RMDN2: variants seen among roughly 807,000 people sequenced by gnomAD.
RMDN2 encodes the protein regulator of microtubule dynamics protein 2.
In RMDN2, 61 loss-of-function variants were observed where a neutral mutation model predicts 52.8. The ratio of observed to expected loss-of-function variants is 1.16; its 90% CI spans 0.94 to 1.43. The LOEUF (loss-of-function observed/expected upper bound fraction) is 1.43, where lower values mean the gene tolerates loss of function less well. Ranked by LOEUF, RMDN2 falls within the 40% of genes most tolerant of loss-of-function variation. The probability of loss-of-function intolerance (pLI) is 0.00; values close to 1 mark genes in which losing one functional copy is unlikely to be tolerated. For synonymous variants in RMDN2, 180 were observed against 153.1 expected, an observed-to-expected ratio of 1.18 and a Z score of -1.30; for missense variants, 592 against 475.3, an observed-to-expected ratio of 1.25 and a Z score of -2.28.
At chr2:37,958,952 C>T (rs188992897) in intron 2 of RMDN2, among the ~76,000 whole-genome samples, 3 of 151,070 alleles carry the variant, frequency 2.0e-5, no homozygotes, top group East Asian at 3.9e-4. Context: ...TGATGGATTA[C>T]GTTTATTGAC....
chr2:38,061,044 G>C (rs1403215505), intron 10 of RMDN2, among the ~76,000 whole-genome samples: 1 of 152,140 alleles, frequency 6.6e-6, no homozygotes, highest in Admixed American at 6.6e-5. Flanking sequence ...TAAAATTAAA[G>C]AATCATCAGG....
chr2:37,950,223 G>C, intron 2 of RMDN2: 1 of 380,178 alleles, frequency 2.6e-6, no homozygotes, highest in South Asian at 2.5e-5. Context: ...AGGTGAGAGA[G>C]ATGGTCCAAG....
In RMDN2 at chr2:37,928,564, GCAAT is replaced by G. The variant is rs546802648; in HGVS notation, c.-16-694_-16-691del. ...TCACTTCCTATCTTAGAACAGTGAA[GCAAT>G]CAAAGAGAGCTTGCATAACCTCCCA... On this transcript the variant is annotated intron_variant, in intron 1 of 10. Coordinates refer to ENST00000354545, the MANE Select transcript of RMDN2 (RefSeq NM_001170791.3). Among the ~76,000 whole-genome samples the G allele has an allele frequency of 3.9e-5, 6 of 152,258 alleles. No homozygotes were observed. In the South Asian group the frequency reaches 1.2e-3, roughly 32 times the overall value.
At chr2:37,940,731 C>G (rs1667712183) in intron 2 of RMDN2, among the ~76,000 whole-genome samples, 1 of 152,154 alleles carries the variant, frequency 6.6e-6, no homozygotes, top group Non-Finnish European at 1.5e-5. Flanking sequence ...TTTTCAGCTC[C>G]ATCAGGTCAT....
chr2:37,935,080 T>C (rs1667172442), intron 2 of RMDN2, among the ~76,000 whole-genome samples: 1 of 152,190 alleles, frequency 6.6e-6, no homozygotes, highest in South Asian at 2.1e-4. Flanking sequence ...CCCTAGATAT[T>C]TTCATTTACT....
chr2:38,021,354 C>A (rs908241158), downstream of RMDN2, among the ~76,000 whole-genome samples: 1 of 152,146 alleles, frequency 6.6e-6, no homozygotes, highest in African/African-American at 2.4e-5. Context: ...TAAAAGGCTG[C>A]CGGAACCAGC....
chr2:38,029,937 G>A (rs1263498183), intron 10 of RMDN2: 2 of 152,222 alleles, frequency 1.3e-5, no homozygotes, highest in Non-Finnish European at 2.9e-5. Context: ...GCAGGCAAGA[G>A]AGAATGAGAG....
At chr2:37,950,434 C>A in intron 2 of RMDN2, 1 of 1,608,050 alleles carries the variant, frequency 6.2e-7, no homozygotes, top group South Asian at 1.1e-5. Context: ...CTGCTGTCAT[C>A]ACATTCTGTG....
At chr2:37,954,436 C>T (rs760702554) in intron 2 of RMDN2, among the ~76,000 whole-genome samples, 2 of 152,070 alleles carry the variant, frequency 1.3e-5, no homozygotes, top group African/African-American at 2.4e-5. Flanking sequence ...GTTTTCTCAA[C>T]ACCATTTGTT....
intron 5 of RMDN2, among the ~76,000 whole-genome samples, chr2:37,984,798 T>C (rs554412453): frequency 2.5e-4 from 38 of 152,140 alleles, no homozygotes; most frequent in Admixed American, 8.5e-4. Flanking sequence ...TAATATACCA[T>C]GTTGTGAATT....
Position 38,006,378 on chromosome 2 carries a change from T to C in RMDN2, c.1179+2162T>C, listed in dbSNP as rs188313852. ...TTTGTTTGTATCCTCTTTTATTTCA[T>C]TGGAGCAGTGGTTTGTAGTTCTCCT... On this transcript the variant is annotated intron_variant, in intron 10 of 10. Transcript: ENST00000354545. Among the ~76,000 whole-genome samples, 1,063 of 152,314 alleles carry C rather than the reference T, an allele frequency of 7.0e-3. 6 individuals carry two copies. The highest frequency in any genetic ancestry group is 0.024 in the African/African-American group (1,005 of 41,554).
chr2:38,062,671 G>C (rs1682099229), intron 10 of RMDN2, among the ~76,000 whole-genome samples: 1 of 151,692 alleles, frequency 6.6e-6, no homozygotes, highest in African/African-American at 2.4e-5. Context: ...CAATGTGCAG[G>C]TTTGTTACAT....
chr2:37,987,116 A>G (rs142367770), intron 5 of RMDN2, among the ~76,000 whole-genome samples: 139 of 152,312 alleles, frequency 9.1e-4, no homozygotes, highest in Non-Finnish European at 1.1e-3. Context: ...AATTATAGCA[A>G]GGTTGCTAGA....
chr2:38,033,786 C>A (rs1174698489), intron 10 of RMDN2, among the ~76,000 whole-genome samples: 2 of 152,216 alleles, frequency 1.3e-5, no homozygotes, highest in African/African-American at 4.8e-5. Flanking sequence ...TCCAAACTTT[C>A]CATGTCCAGG....
chr2:38,013,847 A>G (rs1358167967), intron 10 of RMDN2, among the ~76,000 whole-genome samples: 1 of 152,116 alleles, frequency 6.6e-6, no homozygotes, highest in Non-Finnish European at 1.5e-5. Context: ...GTTGAAACTT[A>G]TTTCTTGTAA....
At chr2:37,938,894 CT>C (rs1346831363) in intron 2 of RMDN2, among the ~76,000 whole-genome samples, 1 of 152,120 alleles carries the variant, frequency 6.6e-6, no homozygotes, top group African/African-American at 2.4e-5. Context: ...TCTCTATCTC[CT>C]TCAGTTCTGC....
chr2:37,936,979 C>G (rs1488129488), intron 2 of RMDN2, among the ~76,000 whole-genome samples: 1 of 152,138 alleles, frequency 6.6e-6, no homozygotes, highest in Non-Finnish European at 1.5e-5. Flanking sequence ...ATGCCTATGT[C>G]CTGAATGATA....
chr2:38,067,129 C>A, exon 11 of RMDN2: 1 of 807,012 alleles, frequency 1.2e-6, no homozygotes, highest in Non-Finnish European at 2.1e-6. Context: ...TAAAACATTT[C>A]CACATAGTAC....
intron 2 of RMDN2, chr2:37,952,048 T>C (rs1424179918): frequency 1.9e-6 from 3 of 1,613,298 alleles, no homozygotes; most frequent in African/African-American, 2.7e-5. Flanking sequence ...TTCCCATTCC[T>C]CCATAAAGCT....
Sources: allele counts gnomAD v4.1 joint callset (sites outside exome capture counted in the v4.1 genomes callset), GRCh38; gene constraint gnomAD v4.1.1; transcripts MANE v1.5; gene names NCBI Gene and HGNC (gene_info 2026-07-23, HGNC 2026-07-21).